Variants in LAMA1 observed in about 807,000 individuals in gnomAD.
LAMA1 encodes the protein laminin subunit alpha 1, also known as laminin subunit alpha-1.
LAMA1 carries 219 observed loss-of-function variants against 348.7 expected under a neutral mutation model. The ratio of observed to expected loss-of-function variants is 0.63; its 90% CI spans 0.56 to 0.70. The LOEUF (loss-of-function observed/expected upper bound fraction) is 0.70, where lower values mean the gene tolerates loss of function less well. Among genes scored for constraint, LAMA1 ranks in the 30% least tolerant of loss-of-function variants. The pLI is 0.00. For synonymous variants in LAMA1, 1,487 were observed against 1,491.0 expected, an observed-to-expected ratio of 1.00 and a Z score of 0.06; for missense variants, 3,744 against 3,888.0, an observed-to-expected ratio of 0.96 and a Z score of 0.99.
In LAMA1 at chr18:7,026,071, C is replaced by A. The variant is rs746026040; in HGVS notation, c.2310G>T (p.Glu770Asp). 1.2e-6 allele frequency: 2 copies of A among 1,611,490 alleles called. No homozygotes were observed. The highest frequency in any genetic ancestry group is 1.7e-6 in the Non-Finnish European group (2 of 1,178,702). ...CAHNTTGVHC[E>D]QCLPGFYGEP... Reference sequence around the variant, plus strand: ...CCCCGTAGAAGCCGGGCAAGCACTGCTCACAGTGGACGCCGGTGGTGTTGT... The same window carrying A: ...CCCCGTAGAAGCCGGGCAAGCACTGATCACAGTGGACGCCGGTGGTGTTGT... The change falls in exon 17 of 63, where the codon GAG (glutamate) becomes GAT (aspartate). Residue 770 changes from glutamate to aspartate, a missense_variant. This residue lies in a region of LAMA1 where 1,529 missense variants were observed against 1,689.4 expected (regional missense o/e 0.91). Coordinates refer to ENST00000389658, the MANE Select transcript of LAMA1 (RefSeq NM_005559.4).
chr18:7,007,012 A>G, intron 29 of LAMA1, 127 bp downstream of exon 29: 2 of 1,353,156 alleles, frequency 1.5e-6, no homozygotes, highest in Non-Finnish European at 2.1e-6. Flanking sequence ...ATAGGTTTAT[A>G]TTTTATATTT....
chr18:7,016,622 C>T lies in LAMA1; in HGVS notation c.2858G>A (p.Cys953Tyr), dbSNP rs1304351791. ...ATCTGACACGGAGCCTGCCACGCTG[C>T]AGTTGCAGGGCCGGCAGCCATGGCC... ...DSGHGCRPCN[C>Y]SVAGSVSDGC... The change falls in exon 21 of 63, where the codon TGC becomes TAC. Residue 953 changes from cysteine to tyrosine, a missense_variant. Cys to Tyr is a radical substitution (Grantham distance 194). Around this residue, in one of 3 missense-constraint regions of LAMA1, gnomAD observed 1,529 missense variants for 1,689.4 expected, o/e 0.91. Transcript: ENST00000389658. 5 of 1,613,968 alleles carry T rather than the reference C, an allele frequency of 3.1e-6. No individual in the cohort carries two copies. Among genetic ancestry groups the T allele is most frequent in the African/African-American group, 1.3e-5 (1 of 74,934 alleles).
chr18:6,977,702 G>A (rs564703356), intron 44 of LAMA1, 25 bp downstream of exon 44: 17 of 1,613,590 alleles, frequency 1.1e-5, no homozygotes, highest in African/African-American at 2.7e-5. Flanking sequence ...GCCCAGTTAC[G>A]AAAGCCACGG....
Position 6,995,345 on chromosome 18 carries a change from G to C in LAMA1, c.4896+12C>G, listed in dbSNP as rs777162000. ...CCAGGAGGAAGGTTGGTTGGTTATGGAAAGAATTTACCTTCTTTTGCAGGT... is the reference window on the plus strand; with the variant it reads ...CCAGGAGGAAGGTTGGTTGGTTATGCAAAGAATTTACCTTCTTTTGCAGGT... On this transcript the variant is annotated intron_variant, in intron 34 of 62. Coordinates refer to ENST00000389658, the MANE Select transcript of LAMA1 (RefSeq NM_005559.4). 7 of 1,596,444 alleles carry C rather than the reference G, an allele frequency of 4.4e-6. No homozygotes were observed. The highest frequency in any genetic ancestry group is 5.2e-6 in the Non-Finnish European group (6 of 1,163,890).
chr18:7,040,457 A>T (rs80079964), intron 9 of LAMA1, among the ~76,000 whole-genome samples: 1,596 of 152,348 alleles, frequency 0.01, 20 homozygotes, highest in African/African-American at 0.037. Context: ...AACTTTATTC[A>T]TAAGAACAGA....
chr18:7,029,201 C>A (rs1303277103), intron 16 of LAMA1, among the ~76,000 whole-genome samples: 2 of 152,148 alleles, frequency 1.3e-5, no homozygotes, highest in East Asian at 3.9e-4. Context: ...TACCTGTAGA[C>A]TCTGGTTCAG....
chr18:6,958,396 C>A, intron 55 of LAMA1, 81 bp downstream of exon 55: 1 of 1,458,634 alleles, frequency 6.9e-7, no homozygotes, highest in Non-Finnish European at 9.6e-7. Flanking sequence ...TCAAACAGTA[C>A]AATGAGATTT....
At chr18:7,031,035 A>G (rs1429858471) in intron 16 of LAMA1, among the ~76,000 whole-genome samples, 2 of 152,252 alleles carry the variant, frequency 1.3e-5, no homozygotes, top group Non-Finnish European at 2.9e-5. Context: ...AACAAAGGGC[A>G]AAACAAAAGT....
chr18:7,097,484 C>G, intron 1 of LAMA1, among the ~76,000 whole-genome samples: 1 of 141,188 alleles, frequency 7.1e-6, no homozygotes, highest in South Asian at 2.3e-4. Flanking sequence ...CAATTGCTAT[C>G]AAAATCTCAG....
At chr18:7,088,967 C>A (rs1251928465) in intron 1 of LAMA1, among the ~76,000 whole-genome samples, 1 of 151,900 alleles carries the variant, frequency 6.6e-6, no homozygotes, top group East Asian at 1.9e-4. Context: ...ATTTCGCCAC[C>A]GCACTCCAGC....
chr18:7,064,644 G>A (rs2058115277), intron 3 of LAMA1, among the ~76,000 whole-genome samples: 1 of 152,104 alleles, frequency 6.6e-6, no homozygotes, highest in South Asian at 2.1e-4. Context: ...TTCTTGCCTG[G>A]CTCAGTCTAT....
At chr18:7,041,840 C>T (rs2058021793) in intron 9 of LAMA1, among the ~76,000 whole-genome samples, 2 of 152,170 alleles carry the variant, frequency 1.3e-5, no homozygotes, top group African/African-American at 2.4e-5. Flanking sequence ...ACCCCATCTC[C>T]CTCCATTCAT....
intron 28 of LAMA1, 62 bp downstream of exon 28, chr18:7,008,426 T>C: frequency 6.3e-7 from 1 of 1,599,828 alleles, no homozygotes; most frequent in South Asian, 1.1e-5. Flanking sequence ...CTCTGGGAGT[T>C]GCTGTAACAA....
At chr18:7,089,881 G>A (rs1308743550) in intron 1 of LAMA1, among the ~76,000 whole-genome samples, 1 of 152,160 alleles carries the variant, frequency 6.6e-6, no homozygotes, top group Non-Finnish European at 1.5e-5. Context: ...TTTACAAGTT[G>A]TGGCGAAATT....
Position 7,032,859 on chromosome 18 carries a change from A to C in LAMA1, c.2163+125T>G, listed in dbSNP as rs1001379156. 1.1e-4 allele frequency: 82 copies of C among 746,624 alleles called. 2 individuals carry two copies. Among genetic ancestry groups the C allele is most frequent in the South Asian group, 9.6e-4 (65 of 67,552 alleles). 46.2% of individuals were successfully genotyped at this position (746,624 alleles called of 1,614,324 possible). On this transcript the variant is annotated intron_variant, in intron 15 of 62. Coordinates refer to ENST00000389658, the MANE Select transcript of LAMA1 (RefSeq NM_005559.4). ...TTCTAATATTTCTATTGCCCAAAAA[A>C]GACTGAGCCAAACATTGGGCTGCTA...
At chr18:7,037,518 T>C (rs2144174038) in intron 12 of LAMA1, 60 bp downstream of exon 12, 1 of 1,590,056 alleles carries the variant, frequency 6.3e-7, no homozygotes, top group African/African-American at 1.3e-5. Context: ...GCGCAAGTTC[T>C]TTCTCAGTGT....
At chr18:7,036,507 G>A (rs893388649) in intron 12 of LAMA1, among the ~76,000 whole-genome samples, 1 of 152,184 alleles carries the variant, frequency 6.6e-6, no homozygotes, top group African/African-American at 2.4e-5. Context: ...TTGCTAGTTA[G>A]AGAAAGGACT....
At chr18:7,084,155 A>T (rs1201613727) in intron 1 of LAMA1, among the ~76,000 whole-genome samples, 1 of 149,958 alleles carries the variant, frequency 6.7e-6, no homozygotes, top group African/African-American at 2.5e-5. Context: ...TGTTTTAAAC[A>T]GAATTTTTAT....
intron 3 of LAMA1, among the ~76,000 whole-genome samples, chr18:7,053,915 C>T (rs892489451): frequency 8.6e-5 from 13 of 151,954 alleles, no homozygotes; most frequent in African/African-American, 3.1e-4. Context: ...TCCAGAGTGG[C>T]ATGCAGCACC....
Sources: allele counts gnomAD v4.1 joint callset (sites outside exome capture counted in the v4.1 genomes callset), GRCh38; gene constraint gnomAD v4.1.1; regional missense constraint gnomAD v4.1.1; transcripts MANE v1.5; gene names NCBI Gene and HGNC (gene_info 2026-07-23, HGNC 2026-07-21).